Variants in BIN3 observed in about 807,000 individuals in gnomAD.
BIN3 encodes the protein bridging integrator 3.
In BIN3, 41 loss-of-function variants were observed where a neutral mutation model predicts 38.2. That is an observed-to-expected ratio of 1.07 (90% CI 0.84 to 1.39). The LOEUF (loss-of-function observed/expected upper bound fraction) is 1.39, where lower values mean the gene tolerates loss of function less well. Among genes scored for constraint, BIN3 ranks in the 40% most tolerant of loss-of-function variants. The pLI is 0.00. For synonymous variants in BIN3, 145 were observed against 122.6 expected, an observed-to-expected ratio of 1.18 and a Z score of -1.21; for missense variants, 361 against 324.3, an observed-to-expected ratio of 1.11 and a Z score of -0.87.
intron 6 of BIN3, among the ~76,000 whole-genome samples, chr8:22,629,261 G>A (rs1164842292): frequency 6.6e-6 from 1 of 152,210 alleles, no homozygotes. Context: ...AAGAGGCAAG[G>A]AAGTGCAGCT....
intron 6 of BIN3, among the ~76,000 whole-genome samples, chr8:22,628,508 CGGA>C (rs1241119225): frequency 3.3e-5 from 5 of 152,172 alleles, no homozygotes; most frequent in Non-Finnish European, 5.9e-5. Context: ...GGATCCGCTG[CGGA>C]GATGTGCGCC....
chr8:22,630,612 G>A (rs978371577), intron 4 of BIN3, 34 bp from the exon 5 acceptor site: 5 of 1,611,896 alleles, frequency 3.1e-6, no homozygotes, highest in Admixed American at 1.7e-5. Context: ...AACCTTCTAT[G>A]AAGGGGCAGG....
intron 4 of BIN3, among the ~76,000 whole-genome samples, chr8:22,633,722 G>A (rs1378825261): frequency 2.0e-5 from 3 of 152,244 alleles, no homozygotes; most frequent in Non-Finnish European, 4.4e-5. Flanking sequence ...GGGAACTCCA[G>A]GGACACACAT....
intron 1 of BIN3, among the ~76,000 whole-genome samples, chr8:22,645,580 G>A (rs140161943): frequency 5.9e-5 from 8 of 134,904 alleles, no homozygotes; most frequent in African/African-American, 3.1e-4. Flanking sequence ...GGAAAGGCGA[G>A]GATGGCAGGA....
At chr8:22,659,847 C>G (rs953984234) in intron 1 of BIN3, among the ~76,000 whole-genome samples, 7 of 152,200 alleles carry the variant, frequency 4.6e-5, no homozygotes, top group Admixed American at 3.9e-4. Context: ...GAGTTTAATG[C>G]TTAAAACAGA....
chr8:22,666,082 T>C (rs1262627424), intron 1 of BIN3, among the ~76,000 whole-genome samples: 1 of 152,134 alleles, frequency 6.6e-6, no homozygotes, highest in Non-Finnish European at 1.5e-5. Flanking sequence ...CCTTCCTTTT[T>C]GTCAAACTAC....
At chr8:22,658,542 CCTCACTCCCT>C (rs1427020352) in intron 1 of BIN3, among the ~76,000 whole-genome samples, 1 of 152,208 alleles carries the variant, frequency 6.6e-6, no homozygotes, top group African/African-American at 2.4e-5. Context: ...TCTTTTGTTT[CCTCACTCCCT>C]CTGCAGAGGC....
At chr8:22,634,423 T>A in intron 4 of BIN3, 1 of 453,416 alleles carries the variant, frequency 2.2e-6, no homozygotes. Flanking sequence ...CCGGGCATGG[T>A]GGTGGTGACG....
chr8:22,629,879 G>A (rs1802128849), intron 6 of BIN3, 85 bp downstream of exon 6: 3 of 1,322,876 alleles, frequency 2.3e-6, no homozygotes, highest in African/African-American at 2.9e-5. Flanking sequence ...GGGACACGCA[G>A]CTAGAAATCC....
At chr8:22,634,607 T>C (rs1425735970) in intron 4 of BIN3, 1 of 450,492 alleles carries the variant, frequency 2.2e-6, no homozygotes, top group African/African-American at 2.0e-5. Flanking sequence ...CAGTACCAAG[T>C]AGGAGCACAC....
intron 1 of BIN3, among the ~76,000 whole-genome samples, chr8:22,651,939 G>C (rs1802908981): frequency 6.8e-6 from 1 of 147,764 alleles, no homozygotes; most frequent in African/African-American, 2.5e-5. Context: ...TCCTTGGCTG[G>C]TCCTCTAATT....
intron 6 of BIN3, among the ~76,000 whole-genome samples, chr8:22,628,553 TG>T: frequency 6.6e-6 from 1 of 152,088 alleles, no homozygotes; most frequent in African/African-American, 2.4e-5. Flanking sequence ...TCCTGGCAGG[TG>T]GTGGGCCACC....
chr8:22,621,997 G>C (rs1801840787), intron 8 of BIN3, among the ~76,000 whole-genome samples: 1 of 152,374 alleles, frequency 6.6e-6, no homozygotes, highest in East Asian at 1.9e-4. Flanking sequence ...GCACAGGCAA[G>C]AAAGGGGATG....
chr8:22,649,988 G>A (rs1200218241), intron 1 of BIN3, among the ~76,000 whole-genome samples: 1 of 152,146 alleles, frequency 6.6e-6, no homozygotes, highest in African/African-American at 2.4e-5. Flanking sequence ...GGTTTTATAT[G>A]AGAATATATC....
intron 1 of BIN3, among the ~76,000 whole-genome samples, chr8:22,649,564 T>G (rs117183747): frequency 0.022 from 3,316 of 152,176 alleles, 58 homozygotes; most frequent in Non-Finnish European, 0.031. Flanking sequence ...GTGTTGCTAT[T>G]TATATTTTTT....
At position 22,624,265 on chromosome 8, in the gene BIN3, T is replaced by C. The variant is rs199559250; in HGVS notation, c.437A>G (p.Glu146Gly). Residue 146 changes from glutamate to glycine, a missense_variant, in exon 7 of 9, where the codon GAG (glutamate) becomes GGG (glycine). Physicochemically the swap from Glu to Gly is moderately conservative, Grantham distance 98. Transcript: ENST00000276416. ...RRLQAKVEKY[E>G]EKEKTGPVLA... ...CACTGGCCCCGTCTTCTCCTTTTCC[T>C]CATACTTCTCCACCTTGGCCTGCAG... 1 of 1,613,976 alleles carries C rather than the reference T, an allele frequency of 6.2e-7. No individual in the cohort carries two copies. Among genetic ancestry groups the C allele is most frequent in the Admixed American group, 1.7e-5 (1 of 60,016 alleles).
intron 1 of BIN3, 181 bp from the exon 2 acceptor site, chr8:22,644,984 G>A (rs1006968730): frequency 1.8e-5 from 10 of 563,464 alleles, no homozygotes; most frequent in East Asian, 6.1e-5. Context: ...GGTTCTAAGA[G>A]AGAGATAGGT....
chr8:22,628,536 C>T (rs536433164), intron 6 of BIN3, among the ~76,000 whole-genome samples: 69 of 152,304 alleles, frequency 4.5e-4, no homozygotes, highest in South Asian at 1.2e-3. Flanking sequence ...CTGCCACGCC[C>T]CCACCTTCCT....
Position 22,620,759 on chromosome 8 carries a change from T to C in BIN3, c.*663A>G, listed in dbSNP as rs1191128414. On this transcript the variant is annotated 3_prime_UTR_variant, in exon 9 of 9. Coordinates refer to ENST00000276416, the MANE Select transcript of BIN3 (RefSeq NM_018688.6). Reference sequence around the variant, plus strand: ...CTTGAAAAAATAAAATTCCAGATACTCAGGTGAGACACAAACCCACTGTTC... The same window carrying C: ...CTTGAAAAAATAAAATTCCAGATACCCAGGTGAGACACAAACCCACTGTTC... 6.6e-6 allele frequency: 1 copy of C among 152,258 alleles called. No homozygotes were observed. 9.4% of individuals were successfully genotyped at this position (152,258 alleles called of 1,614,324 possible).
Sources: allele counts gnomAD v4.1 joint callset (sites outside exome capture counted in the v4.1 genomes callset), GRCh38; gene constraint gnomAD v4.1.1; transcripts MANE v1.5; gene names NCBI Gene and HGNC (gene_info 2026-07-23, HGNC 2026-07-21).